The following ATP13A3 variants were observed in gnomAD, a reference collection of about 807,000 sequenced individuals.
ATP13A3 encodes the protein polyamine-transporting ATPase 13A3.
In ATP13A3, 59 loss-of-function variants were observed where a neutral mutation model predicts 158.1. That is an observed-to-expected ratio of 0.37 (90% confidence interval 0.30 to 0.46). The LOEUF is 0.46. ATP13A3 is among the 20% of genes least tolerant of loss of function. The pLI is 1.00. For synonymous variants in ATP13A3, 491 were observed against 504.3 expected, an observed-to-expected ratio of 0.97 and a Z score of 0.35; for missense variants, 1,166 against 1,525.2, an observed-to-expected ratio of 0.76 and a Z score of 3.92.
In ATP13A3 at chr3:194,441,433, T is replaced by C; in HGVS notation, c.1588A>G (p.Asn530Asp). Residue 530 changes from asparagine to aspartate, a missense_variant, in exon 16 of 34, where the codon AAT becomes GAT. Physicochemically the swap from Asn to Asp is conservative, Grantham distance 23. Coordinates refer to ENST00000645319, the MANE Select transcript of ATP13A3 (RefSeq NM_001367549.1). The part of the protein sequence containing the change: ...RFLSPEENVC[N>D]EMLVKSQFVA... Reference sequence around the variant, plus strand: ...AACTGGGATTTTACCAACATCTCATTGCACACATTTTCTTCTGGTGAAAGA... The same window carrying C: ...AACTGGGATTTTACCAACATCTCATCGCACACATTTTCTTCTGGTGAAAGA... The C allele has an allele frequency of 6.2e-7, 1 of 1,613,618 alleles. No homozygotes were observed. The highest frequency in any genetic ancestry group is 1.7e-4 in the Middle Eastern group (1 of 6,056).
At chr3:194,485,213 C>G (rs1466366689) in intron 2 of ATP13A3, among the ~76,000 whole-genome samples, 2 of 152,084 alleles carry the variant, frequency 1.3e-5, no homozygotes, top group African/African-American at 2.4e-5. Flanking sequence ...ATCAAAGATA[C>G]CAGCAAAAGT....
chr3:194,467,224 A>G (rs1393957786), intron 2 of ATP13A3, among the ~76,000 whole-genome samples: 2 of 152,216 alleles, frequency 1.3e-5, no homozygotes. Context: ...ACTTTTAACT[A>G]TTTAAAACTT....
At chr3:194,453,677 A>T (rs1185991185) in intron 10 of ATP13A3, 29 bp downstream of exon 10, 4 of 1,569,550 alleles carry the variant, frequency 2.5e-6, no homozygotes, top group African/African-American at 2.7e-5. Flanking sequence ...ATCTTTTTTG[A>T]TTTATTCTTC....
At chr3:194,481,488 A>C (rs1017535946) in intron 2 of ATP13A3, among the ~76,000 whole-genome samples, 1 of 152,282 alleles carries the variant, frequency 6.6e-6, no homozygotes, top group Middle Eastern at 3.4e-3. Context: ...CTGGGGTTAG[A>C]CCATAAAGGA....
In ATP13A3 at chr3:194,460,826, A is replaced by C. The variant is rs1233612197; in HGVS notation, c.57T>G (p.Ile19Met). ...INQGQEDEME[I>M]YGYNLSRWKL... ...TCCAGCGACTCAAATTGTAACCATA[A>C]ATCTCCTGCATGGACACAGCGATCA... The change falls in exon 4 of 34, where the codon ATT (isoleucine) becomes ATG (methionine). Residue 19 changes from isoleucine to methionine, a missense_variant. Physicochemically the swap from Ile to Met is conservative, Grantham distance 10. Around this residue, in one of 3 missense-constraint regions of ATP13A3, gnomAD observed 65 missense variants for 92.4 expected, o/e 0.70. Coordinates refer to ENST00000645319, the MANE Select transcript of ATP13A3 (RefSeq NM_001367549.1). The C allele has an allele frequency of 6.2e-7, 1 of 1,613,778 alleles. No homozygotes were observed. Among genetic ancestry groups the C allele is most frequent in the Non-Finnish European group, 8.5e-7 (1 of 1,179,814 alleles).
intron 30 of ATP13A3, among the ~76,000 whole-genome samples, chr3:194,423,772 A>G (rs971468212): frequency 6.2e-4 from 95 of 152,218 alleles, no homozygotes; most frequent in African/African-American, 2.1e-3. Flanking sequence ...ACCTTTTTTA[A>G]TAAGTTTTCC....
chr3:194,490,387 T>C (rs1721133646), upstream of ATP13A3, among the ~76,000 whole-genome samples: 1 of 152,232 alleles, frequency 6.6e-6, no homozygotes, highest in Non-Finnish European at 1.5e-5. The surrounding 1 kb of genome is among the most constrained non-coding windows in gnomAD (Gnocchi z 4.4). Context: ...TTGCAGGCCT[T>C]ATCTTTCTAG....
At chr3:194,453,201 C>T (rs1432355987) in intron 10 of ATP13A3, 1 of 150,212 alleles carries the variant, frequency 6.7e-6, no homozygotes, top group Non-Finnish European at 1.5e-5. Flanking sequence ...TGTAGTCCCA[C>T]CTACTTGGGA....
At position 194,403,980 on chromosome 3, in the gene ATP13A3, G is replaced by A. The variant is rs1384414401; in HGVS notation, c.*1939C>T. The A allele has an allele frequency of 5.3e-6, 2 of 376,906 alleles. No individual in the cohort carries two copies. The highest frequency in any genetic ancestry group is 1.0e-5 in the Non-Finnish European group (2 of 192,364). The allele number at this position is 376,906 out of a possible 1,614,324, so 23.3% of individuals were successfully genotyped here. On this transcript the variant is annotated 3_prime_UTR_variant, in exon 34 of 34. Transcript: ENST00000645319. Reference sequence around the variant, plus strand: ...CTCTTAAAGATGTTAAATACAATCGGATAATTGAATTTTTAAGCTGCTACT... The same window carrying A: ...CTCTTAAAGATGTTAAATACAATCGAATAATTGAATTTTTAAGCTGCTACT...
intron 20 of ATP13A3, among the ~76,000 whole-genome samples, chr3:194,434,803 C>T (rs1717502472): frequency 6.6e-6 from 1 of 152,102 alleles, no homozygotes; most frequent in Admixed American, 6.5e-5. Flanking sequence ...GCCTGCAGTC[C>T]CACTACTTGG....
chr3:194,473,403 G>C (rs1347373329), intron 2 of ATP13A3, among the ~76,000 whole-genome samples: 1 of 151,196 alleles, frequency 6.6e-6, no homozygotes, highest in South Asian at 2.1e-4. Context: ...ATAACAAAGA[G>C]CAAATGAACC....
upstream of ATP13A3, among the ~76,000 whole-genome samples, chr3:194,489,787 T>A (rs1721124417): frequency 6.6e-6 from 1 of 152,202 alleles, no homozygotes; most frequent in Admixed American, 6.5e-5. This position sits in a 1 kb window ranked among gnomAD's most constrained non-coding sequence, Gnocchi z 4.1. Flanking sequence ...AAAAGGAATT[T>A]GGACACTGGC....
At chr3:194,442,142 G>A (rs893270817) in intron 15 of ATP13A3, among the ~76,000 whole-genome samples, 1 of 152,220 alleles carries the variant, frequency 6.6e-6, no homozygotes. Context: ...AAGCCTGTAT[G>A]ACACCGTTGA....
At chr3:194,432,083 C>T (rs919207914) in intron 21 of ATP13A3, 191 bp from the exon 22 acceptor site, 7 of 492,040 alleles carry the variant, frequency 1.4e-5, no homozygotes, top group Middle Eastern at 5.2e-4. Flanking sequence ...CCTCAAATAA[C>T]GCAAGCACGT....
chr3:194,445,714 A>AT (rs1318381004), intron 14 of ATP13A3, among the ~76,000 whole-genome samples: 1 of 152,142 alleles, frequency 6.6e-6, no homozygotes, highest in Admixed American at 6.6e-5. Context: ...CATGTTTCCC[A>AT]TTTTTTTCTG....
intron 2 of ATP13A3, among the ~76,000 whole-genome samples, chr3:194,478,285 A>C (rs1720609568): frequency 6.6e-6 from 1 of 151,878 alleles, no homozygotes; most frequent in Non-Finnish European, 1.5e-5. Context: ...CACATCTAGT[A>C]GGCTAGACAA....
chr3:194,428,744 G>T, intron 28 of ATP13A3, 101 bp downstream of exon 28: 1 of 755,942 alleles, frequency 1.3e-6, no homozygotes, highest in Non-Finnish European at 2.2e-6. Flanking sequence ...CTGGAGAGGT[G>T]TGAGCTATGT....
chr3:194,438,073 T>A (rs1009702545), intron 17 of ATP13A3, among the ~76,000 whole-genome samples: 2 of 152,122 alleles, frequency 1.3e-5, no homozygotes, highest in African/African-American at 4.8e-5. Flanking sequence ...GGCAGGAGAA[T>A]CACTTGAACG....
chr3:194,407,270 C>T (rs1228648548), intron 33 of ATP13A3, among the ~76,000 whole-genome samples: 2 of 152,060 alleles, frequency 1.3e-5, no homozygotes, highest in African/African-American at 4.8e-5. Context: ...AACATATAAA[C>T]CAGGCTACAA....
Sources: gnomAD v4.1 joint callset for allele counts (sites outside exome capture counted in the v4.1 genomes callset) on GRCh38, gnomAD v4.1.1 for gene constraint, gnomAD v4.1.1 regional missense constraint, Gnocchi (gnomAD v3.1) non-coding constraint, MANE v1.5 for transcripts, NCBI Gene and HGNC (gene_info 2026-07-23, HGNC 2026-07-21) for gene names.